Variants in SNTG1 observed in about 807,000 individuals in gnomAD.
The protein encoded by SNTG1 is gamma-1-syntrophin.
SNTG1 carries 39 observed loss-of-function variants against 74.7 expected under a neutral mutation model. The observed-to-expected ratio is 0.52, with a 90% CI of 0.40 to 0.68. SNTG1 has a LOEUF of 0.68. Ranked by LOEUF, SNTG1 falls within the 30% of genes least tolerant of loss-of-function variation. The probability of loss-of-function intolerance (pLI) is 0.00; values close to 1 mark genes in which losing one functional copy is unlikely to be tolerated. For synonymous variants in SNTG1, 254 were observed against 217.1 expected (o/e 1.17, Z -1.49); for missense variants, 685 against 609.5 (o/e 1.12, Z -1.30).
chr8:50,267,748 T>A (rs950500598), intron 2 of SNTG1, among the ~76,000 whole-genome samples: 6 of 152,086 alleles, frequency 3.9e-5, no homozygotes, highest in African/African-American at 1.2e-4. Context: ...GACAAAAAAA[T>A]TCAACACTTG....
At chr8:50,633,044 G>A (rs1305426114) in intron 13 of SNTG1, among the ~76,000 whole-genome samples, 2 of 152,132 alleles carry the variant, frequency 1.3e-5, no homozygotes, top group East Asian at 3.9e-4. Context: ...ATAAAGATGA[G>A]GGCCTCATTA....
At chr8:50,118,097 A>T (rs1021790137) in intron 1 of SNTG1, among the ~76,000 whole-genome samples, 4 of 152,166 alleles carry the variant, frequency 2.6e-5, no homozygotes, top group African/African-American at 9.7e-5. Flanking sequence ...AATCTATTTG[A>T]TAATAAAAAA....
At chr8:50,590,746 G>A (rs1336493352) in intron 12 of SNTG1, 133 bp from the exon 13 acceptor site, 2 of 525,950 alleles carry the variant, frequency 3.8e-6, no homozygotes, top group East Asian at 3.7e-5. Flanking sequence ...TGTTTTATAT[G>A]TGATGATTTC....
At chr8:50,354,397 T>C (rs2091757997) in intron 2 of SNTG1, among the ~76,000 whole-genome samples, 1 of 152,158 alleles carries the variant, frequency 6.6e-6, no homozygotes, top group South Asian at 2.1e-4. Context: ...ATGTAAAGTA[T>C]TTTTTTCCAT....
intron 1 of SNTG1, among the ~76,000 whole-genome samples, chr8:49,987,213 A>G (rs116268672): frequency 0.01 from 1,580 of 152,356 alleles, 26 homozygotes; most frequent in African/African-American, 0.036. Flanking sequence ...AACAATATAT[A>G]TAAGAGTGTC....
chr8:50,695,748 T>C (rs2095402568), intron 15 of SNTG1, among the ~76,000 whole-genome samples: 2 of 151,814 alleles, frequency 1.3e-5, no homozygotes. Flanking sequence ...CTGAGTTATT[T>C]CATTTAGGAT....
Position 50,624,852 on chromosome 8 carries a change from TA to T in SNTG1, c.850-32056del, listed in dbSNP as rs552268499. ...CAAGTTCCAACGGCATTGAGGTTCA[TA>T]CTGCAAGACACAAGGAAAGTGACTC... On this transcript the variant is annotated intron_variant, in intron 13 of 18. Coordinates refer to ENST00000642720, the MANE Select transcript of SNTG1 (RefSeq NM_018967.5). 2.0e-4 allele frequency among the ~76,000 whole-genome samples: 31 copies of T among 152,294 alleles called. No homozygotes were observed. The South Asian group carries it at 6.2e-3, about 31-fold the overall frequency.
chr8:50,145,720 A>G (rs746609189), intron 1 of SNTG1, among the ~76,000 whole-genome samples: 3 of 152,188 alleles, frequency 2.0e-5, no homozygotes, highest in Non-Finnish European at 4.4e-5. Context: ...GATTGTTCCA[A>G]AATAACAAAT....
intron 1 of SNTG1, among the ~76,000 whole-genome samples, chr8:49,947,414 G>A (rs904113893): frequency 1.3e-5 from 2 of 152,138 alleles, no homozygotes; most frequent in Middle Eastern, 3.2e-3. Flanking sequence ...GAGCTGTCCT[G>A]GTGAATACAT....
chr8:50,198,856 G>A (rs16914468), intron 2 of SNTG1, among the ~76,000 whole-genome samples: 19,624 of 151,840 alleles, frequency 0.13, 4,163 homozygotes, highest in African/African-American at 0.44. Context: ...AGTATCAACA[G>A]TATGAAAGAA....
At chr8:50,035,851 A>G (rs888589965) in intron 1 of SNTG1, among the ~76,000 whole-genome samples, 4 of 152,162 alleles carry the variant, frequency 2.6e-5, no homozygotes, top group African/African-American at 9.7e-5. Context: ...CCTCTGAACA[A>G]GATCTGGGTT....
intron 11 of SNTG1, among the ~76,000 whole-genome samples, chr8:50,537,805 C>T (rs1338021986): frequency 6.6e-6 from 1 of 152,166 alleles, no homozygotes; most frequent in East Asian, 1.9e-4. Context: ...CTCTGCTCTT[C>T]TGGCACAAAA....
chr8:50,483,592 C>T (rs993165558), intron 8 of SNTG1, among the ~76,000 whole-genome samples: 2 of 151,990 alleles, frequency 1.3e-5, no homozygotes, highest in African/African-American at 4.8e-5. Context: ...AAGGGGATGG[C>T]ATTTAAAATT....
At chr8:50,137,802 G>A (rs915923508) in intron 1 of SNTG1, among the ~76,000 whole-genome samples, 4 of 152,140 alleles carry the variant, frequency 2.6e-5, no homozygotes, top group African/African-American at 9.7e-5. Flanking sequence ...TGGACACTGA[G>A]GATGGACGAG....
chr8:50,364,493 A>G (rs1450423197), intron 2 of SNTG1, among the ~76,000 whole-genome samples: 2 of 152,162 alleles, frequency 1.3e-5, no homozygotes, highest in Non-Finnish European at 2.9e-5. Flanking sequence ...TTCTGGGAAT[A>G]AATAGAGAAA....
intron 13 of SNTG1, among the ~76,000 whole-genome samples, chr8:50,622,781 C>T (rs953685748): frequency 1.8e-4 from 27 of 152,016 alleles, no homozygotes; most frequent in African/African-American, 6.3e-4. Context: ...ATTTCAAAGA[C>T]ATTAGCAGAT....
At chr8:49,940,519 C>T (rs1452154355) in intron 1 of SNTG1, among the ~76,000 whole-genome samples, 1 of 152,076 alleles carries the variant, frequency 6.6e-6, no homozygotes, top group Non-Finnish European at 1.5e-5. Flanking sequence ...TTTATTTTGA[C>T]TCTGTTTTTT....
At chr8:49,916,886 T>C (rs1484723257) in intron 1 of SNTG1, among the ~76,000 whole-genome samples, 1 of 150,860 alleles carries the variant, frequency 6.6e-6, no homozygotes, top group East Asian at 1.9e-4. Flanking sequence ...AATATCTGGG[T>C]GTGGTGAATG....
intron 2 of SNTG1, among the ~76,000 whole-genome samples, chr8:50,265,629 A>G (rs904327302): frequency 6.6e-6 from 1 of 152,112 alleles, no homozygotes; most frequent in African/African-American, 2.4e-5. Flanking sequence ...AAGGCAATTC[A>G]CCAAGAATAT....
Sources: allele counts gnomAD v4.1 joint callset (sites outside exome capture counted in the v4.1 genomes callset), GRCh38; gene constraint gnomAD v4.1.1; transcripts MANE v1.5; gene names NCBI Gene and HGNC (gene_info 2026-07-23, HGNC 2026-07-21).